Variants in TFCP2 observed in about 807,000 individuals in gnomAD.
TFCP2 encodes the protein transcription factor CP2.
In TFCP2, 33 loss-of-function variants were observed where a neutral mutation model predicts 73.4. The ratio of observed to expected loss-of-function variants is 0.45; its 90% CI spans 0.34 to 0.60. The LOEUF is 0.60. TFCP2 is among the 20% of genes least tolerant of loss of function. The pLI, the probability that TFCP2 is intolerant of heterozygous loss-of-function variation, is 0.01. For synonymous variants in TFCP2, 193 were observed against 211.6 expected (o/e 0.91, Z 0.76); for missense variants, 352 against 604.0 (o/e 0.58, Z 4.37).
At chr12:51,119,155 A>G (rs2136985053) in intron 1 of TFCP2, among the ~76,000 whole-genome samples, 1 of 152,350 alleles carries the variant, frequency 6.6e-6, no homozygotes, top group East Asian at 1.9e-4. Context: ...GATTTACTAT[A>G]AGGACTAAAA....
intron 1 of TFCP2, among the ~76,000 whole-genome samples, chr12:51,132,571 A>G (rs1940973262): frequency 6.6e-6 from 1 of 151,462 alleles, no homozygotes; most frequent in African/African-American, 2.4e-5. Context: ...GGGTTTCACC[A>G]TGCTGGCCAC....
At chr12:51,159,196 A>G (rs1276749332) in intron 1 of TFCP2, among the ~76,000 whole-genome samples, 1 of 127,944 alleles carries the variant, frequency 7.8e-6, no homozygotes, top group Non-Finnish European at 1.6e-5. Flanking sequence ...AAAGAAAAAG[A>G]AAAAAAAAAA....
chr12:51,109,419 G>A (rs1940338628), intron 5 of TFCP2, 146 bp from the exon 6 acceptor site: 1 of 743,914 alleles, frequency 1.3e-6, no homozygotes, highest in African/African-American at 1.8e-5. Context: ...TGATCTTGAA[G>A]AACTTACAAT....
At chr12:51,131,796 G>C (rs1422293613) in intron 1 of TFCP2, among the ~76,000 whole-genome samples, 1 of 152,062 alleles carries the variant, frequency 6.6e-6, no homozygotes, top group Non-Finnish European at 1.5e-5. Flanking sequence ...ACCACACACT[G>C]ATTTTTAAAA....
At chr12:51,112,924 T>C (rs1940438051) in intron 4 of TFCP2, among the ~76,000 whole-genome samples, 1 of 150,996 alleles carries the variant, frequency 6.6e-6, no homozygotes, top group South Asian at 2.1e-4. Context: ...AATAATCCTA[T>C]AACAGAGTGA....
At chr12:51,128,796 T>C (rs941588626) in intron 1 of TFCP2, among the ~76,000 whole-genome samples, 6 of 152,204 alleles carry the variant, frequency 3.9e-5, no homozygotes, top group African/African-American at 1.4e-4. Flanking sequence ...TTGTAACATT[T>C]TTTTATAAAT....
chr12:51,096,129 G>T, intron 13 of TFCP2, 89 bp from the exon 14 acceptor site: 1 of 1,045,130 alleles, frequency 9.6e-7, no homozygotes, highest in Non-Finnish European at 1.4e-6. Flanking sequence ...CACATCCAGA[G>T]GGATTTATAT....
chr12:51,104,104 T>C (rs1022608094), intron 9 of TFCP2, 51 bp downstream of exon 9: 20 of 1,560,734 alleles, frequency 1.3e-5, no homozygotes, highest in Non-Finnish European at 1.7e-5. Flanking sequence ...TGGACAGTCA[T>C]CAAAGTATTA....
rs565357801 is a variant in TFCP2 at position 51,126,192 on chromosome 12, T to C, written c.123-7420A>G. Among the ~76,000 whole-genome samples the C allele has an allele frequency of 1.6e-3, 197 of 125,986 alleles. 1 individual carries two copies. Among genetic ancestry groups the C allele is most frequent in the African/African-American group, 5.6e-3 (179 of 32,050 alleles). The allele number at this position is 125,986 out of a possible 152,430, so 82.7% of individuals were successfully genotyped here. A position where few individuals can be genotyped will look rare whatever the true frequency, so the allele number is the denominator to read the frequency against. Reference sequence around the variant, plus strand: ...AGCTTGTAGTGAGCCGAGATTGCGCTACTGCACTCCAGCCTGGGTGACAGA... The same window carrying C: ...AGCTTGTAGTGAGCCGAGATTGCGCCACTGCACTCCAGCCTGGGTGACAGA... On this transcript the variant is annotated intron_variant, in intron 1 of 14. Coordinates refer to ENST00000257915, the MANE Select transcript of TFCP2 (RefSeq NM_005653.5).
At chr12:51,109,584 T>C (rs1940342700) in intron 5 of TFCP2, among the ~76,000 whole-genome samples, 3 of 152,192 alleles carry the variant, frequency 2.0e-5, no homozygotes, top group Admixed American at 2.0e-4. Context: ...AGTTAAAGTT[T>C]CCTCAATTTT....
chr12:51,142,532 G>A (rs1941216173), intron 1 of TFCP2, among the ~76,000 whole-genome samples: 1 of 152,110 alleles, frequency 6.6e-6, no homozygotes, highest in African/African-American at 2.4e-5. Context: ...CGAAGGCTAA[G>A]TTCCTCCTCC....
intron 1 of TFCP2, among the ~76,000 whole-genome samples, chr12:51,140,607 T>G (rs1236936717): frequency 1.3e-5 from 2 of 151,414 alleles, no homozygotes; most frequent in African/African-American, 4.9e-5. Context: ...TCCTTCATTT[T>G]TTAGAGACAG....
chr12:51,114,896 T>C lies in TFCP2; in HGVS notation c.457+1419A>G, dbSNP rs1374041427. Among the ~76,000 whole-genome samples, 4 of 151,304 alleles carry C rather than the reference T, an allele frequency of 2.6e-5. No homozygotes were observed. The South Asian group carries it at 6.2e-4, about 24-fold the overall frequency. ...GGCCAACATGGTGAAACCCCGTCTC[T>C]ACCAAAAATACAAAAATTAGCTAGG... is the stretch of plus-strand genomic sequence containing the variant. On this transcript the variant is annotated intron_variant, in intron 4 of 14. Transcript: ENST00000257915.
At position 51,143,378 on chromosome 12, in the gene TFCP2, G is replaced by C. The variant is rs1941228771; in HGVS notation, c.123-24606C>G. The stretch of plus-strand genomic sequence containing the variant: ...AATATTCAAACCAGAACTATTGAAG[G>C]CATCCTAGATTGATCCTTTCCCTTA... On this transcript the variant is annotated intron_variant, in intron 1 of 14. Coordinates refer to ENST00000257915, the MANE Select transcript of TFCP2 (RefSeq NM_005653.5). Among the ~76,000 whole-genome samples the C allele has an allele frequency of 6.7e-5, 10 of 148,772 alleles. No homozygotes were observed. In the South Asian group the frequency reaches 1.5e-3, roughly 23 times the overall value.
intron 3 of TFCP2, among the ~76,000 whole-genome samples, chr12:51,117,233 T>A (rs1186535650): frequency 3.9e-5 from 6 of 152,192 alleles, no homozygotes; most frequent in African/African-American, 1.4e-4. Flanking sequence ...ACAAAACTCC[T>A]CTGTTTCAAC....
At chr12:51,106,823 C>T in intron 7 of TFCP2, 1 of 526,754 alleles carries the variant, frequency 1.9e-6, no homozygotes, top group Non-Finnish European at 3.3e-6. Flanking sequence ...AGAAATAAGT[C>T]TAGAAAACTA....
intron 1 of TFCP2, among the ~76,000 whole-genome samples, chr12:51,160,580 A>G (rs1185400012): frequency 2.6e-5 from 4 of 152,140 alleles, no homozygotes; most frequent in Non-Finnish European, 5.9e-5. Flanking sequence ...GCATACACTG[A>G]GAAGGAGGGT....
At chr12:51,141,382 G>C (rs1941188789) in intron 1 of TFCP2, among the ~76,000 whole-genome samples, 1 of 152,042 alleles carries the variant, frequency 6.6e-6, no homozygotes, top group African/African-American at 2.4e-5. Context: ...TCTACCTAAA[G>C]AAGACTCCAT....
In TFCP2 at chr12:51,172,558, A is replaced by C. The variant is rs1941884703; in HGVS notation, c.-136T>G. 3 of 1,157,364 alleles carry C rather than the reference A, an allele frequency of 2.6e-6. No homozygotes were observed. The African/African-American group carries it at 4.6e-5, about 18-fold the overall frequency. The allele number at this position is 1,157,364 out of a possible 1,614,324, so 71.7% of individuals were successfully genotyped here. A position where few individuals can be genotyped will look rare whatever the true frequency, so the allele number is the denominator to read the frequency against. ...CACGCAGTGCCCACCAGCCACCCCC[A>C]AGCCCGACCAGCACTGCTCTGTGCA... On this transcript the variant is annotated 5_prime_UTR_variant, in exon 1 of 15. Transcript: ENST00000257915.
Sources: gnomAD v4.1 joint callset for allele counts (sites outside exome capture counted in the v4.1 genomes callset) on GRCh38, gnomAD v4.1.1 for gene constraint, MANE v1.5 for transcripts, NCBI Gene and HGNC (gene_info 2026-07-23, HGNC 2026-07-21) for gene names.